Variants in DNAH5 observed in about 807,000 individuals in gnomAD.
The protein encoded by DNAH5 is dynein axonemal heavy chain 5, also known as axonemal beta dynein heavy chain 5.
A neutral mutation model predicts 518.2 loss-of-function variants in DNAH5; 372 were observed. That is an observed-to-expected ratio of 0.72 (90% CI 0.66 to 0.78). The LOEUF is 0.78. DNAH5 is among the 30% of genes least tolerant of loss of function. DNAH5 has a pLI of 0.00. For missense variants in DNAH5, 5,523 were observed against 5,687.0 expected (o/e 0.97, Z 0.93); for synonymous variants, 2,039 against 2,025.9 (o/e 1.01, Z -0.17).
chr5:13,763,321 C>T (rs778956166), intron 59 of DNAH5, among the ~76,000 whole-genome samples: 1 of 152,210 alleles, frequency 6.6e-6, no homozygotes, highest in African/African-American at 2.4e-5. Flanking sequence ...TGAGGATATA[C>T]ATATTTAGCA....
At chr5:13,799,035 G>A (rs1758304904) in intron 47 of DNAH5, among the ~76,000 whole-genome samples, 1 of 151,808 alleles carries the variant, frequency 6.6e-6, no homozygotes, top group South Asian at 2.1e-4. Context: ...CAATGTGCTG[G>A]GATTACAGGC....
At chr5:13,716,073 T>A (rs566339368) in intron 74 of DNAH5, among the ~76,000 whole-genome samples, 3 of 152,324 alleles carry the variant, frequency 2.0e-5, no homozygotes, top group Non-Finnish European at 4.4e-5. Context: ...ACAGATGTCA[T>A]GGGATTTGTC....
intron 12 of DNAH5, among the ~76,000 whole-genome samples, chr5:13,908,875 C>T (rs1006731957): frequency 1.3e-5 from 2 of 152,108 alleles, no homozygotes; most frequent in African/African-American, 4.8e-5. Flanking sequence ...GACTCCTGGA[C>T]GCATCACCGC....
At chr5:13,876,897 T>C in intron 21 of DNAH5, 80 bp from the exon 22 acceptor site, 4 of 1,431,424 alleles carry the variant, frequency 2.8e-6, no homozygotes, top group Non-Finnish European at 3.9e-6. Flanking sequence ...ATTTCTGTGA[T>C]AGTAAAGCAA....
intron 1 of DNAH5, among the ~76,000 whole-genome samples, chr5:13,950,434 G>A (rs573887708): frequency 1.2e-4 from 18 of 152,096 alleles, no homozygotes; most frequent in Middle Eastern, 3.4e-3. Flanking sequence ...GCGCCACCAC[G>A]CCTGGCTAAT....
At chr5:13,804,042 T>C (rs182327218) in intron 47 of DNAH5, among the ~76,000 whole-genome samples, 2 of 146,062 alleles carry the variant, frequency 1.4e-5, no homozygotes, top group Non-Finnish European at 2.9e-5. Flanking sequence ...TCTTTTCACC[T>C]TCTTGTATTG....
At chr5:13,829,766 A>G (rs1053196746) in intron 37 of DNAH5, 62 bp from the exon 38 acceptor site, 16 of 1,492,570 alleles carry the variant, frequency 1.1e-5, no homozygotes, top group Non-Finnish European at 1.5e-5. Context: ...GCATCATATT[A>G]AAAGATTCAT....
intron 1 of DNAH5, among the ~76,000 whole-genome samples, chr5:14,002,792 ACTT>A (rs1784452307): frequency 6.6e-6 from 1 of 151,914 alleles, no homozygotes; most frequent in Non-Finnish European, 1.5e-5. Flanking sequence ...TTTAGGGTCT[ACTT>A]CTTGATATAA....
chr5:13,917,872 AT>A (rs1334061002), intron 7 of DNAH5, among the ~76,000 whole-genome samples: 1 of 152,248 alleles, frequency 6.6e-6, no homozygotes, highest in East Asian at 1.9e-4. Flanking sequence ...AGGTAAATCT[AT>A]AGCACGTTTA....
chr5:13,722,932 A>C (rs1745248594), intron 70 of DNAH5, among the ~76,000 whole-genome samples: 1 of 152,196 alleles, frequency 6.6e-6, no homozygotes, highest in Admixed American at 6.5e-5. Flanking sequence ...AGGAACAAGA[A>C]ATGGTGGTCA....
intron 72 of DNAH5, among the ~76,000 whole-genome samples, chr5:13,717,750 G>T (rs573824385): frequency 6.6e-6 from 1 of 152,186 alleles, no homozygotes; most frequent in African/African-American, 2.4e-5. Context: ...TTGCTAACAT[G>T]GGTCAACTTC....
chr5:13,830,832 A>C, intron 35 of DNAH5, 57 bp from the exon 36 acceptor site: 1 of 1,557,766 alleles, frequency 6.4e-7, no homozygotes, highest in Non-Finnish European at 8.8e-7. Flanking sequence ...AATACTTCTG[A>C]GACATCACAG....
intron 75 of DNAH5, among the ~76,000 whole-genome samples, chr5:13,712,255 T>C (rs532972450): frequency 5.3e-5 from 8 of 152,264 alleles, no homozygotes; most frequent in African/African-American, 1.9e-4. Context: ...GATGGGATAA[T>C]TGGCTAACCA....
intron 76 of DNAH5, among the ~76,000 whole-genome samples, chr5:13,701,833 C>T (rs1491000410): frequency 6.6e-6 from 1 of 152,126 alleles, no homozygotes; most frequent in African/African-American, 2.4e-5. Context: ...CAATTTCAAT[C>T]TATAACACAT....
intron 1 of DNAH5, among the ~76,000 whole-genome samples, chr5:13,971,923 A>G (rs1781899453): frequency 6.6e-6 from 1 of 152,108 alleles, no homozygotes; most frequent in South Asian, 2.1e-4. Context: ...CAAGGTGGGT[A>G]GAAAAAGACC....
chr5:13,879,476 C>CTATATTTT (rs1771337848), intron 21 of DNAH5, among the ~76,000 whole-genome samples: 1 of 151,806 alleles, frequency 6.6e-6, no homozygotes, highest in East Asian at 1.9e-4. Context: ...CCTGATAACC[C>CTATATTTT]CATTATAAAG....
chr5:13,987,784 G>A (rs1387370372), intron 1 of DNAH5, among the ~76,000 whole-genome samples: 3 of 151,888 alleles, frequency 2.0e-5, no homozygotes, highest in Non-Finnish European at 4.4e-5. Context: ...AACCCAGGAG[G>A]TGGAGATTGC....
At chr5:13,718,575 A>G (rs1314514461) in intron 72 of DNAH5, among the ~76,000 whole-genome samples, 1 of 152,236 alleles carries the variant, frequency 6.6e-6, no homozygotes, top group Non-Finnish European at 1.5e-5. Flanking sequence ...TACTTTAAGT[A>G]TGGAGCATAA....
At chr5:13,876,389 G>T in intron 22 of DNAH5, among the ~76,000 whole-genome samples, 1 of 152,158 alleles carries the variant, frequency 6.6e-6, no homozygotes, top group East Asian at 1.9e-4. Flanking sequence ...ACAACAGTCT[G>T]ACTTGTAGTT....
Sources: gnomAD v4.1 joint callset for allele counts (sites outside exome capture counted in the v4.1 genomes callset) on GRCh38, gnomAD v4.1.1 for gene constraint, MANE v1.5 for transcripts, NCBI Gene and HGNC (gene_info 2026-07-23, HGNC 2026-07-21) for gene names.